The following ITM2C variants were observed in gnomAD, a reference collection of about 807,000 sequenced individuals.
ITM2C encodes the protein BRICHOS domain containing 2C.
In ITM2C, 20 loss-of-function variants were observed where a neutral mutation model predicts 30.0. The ratio of observed to expected loss-of-function variants is 0.67; its 90% CI spans 0.47 to 0.97. ITM2C has a LOEUF of 0.97. ITM2C is among the 50% of genes least tolerant of loss of function. ITM2C has a pLI of 0.00. For synonymous variants in ITM2C, 167 were observed against 156.4 expected, an observed-to-expected ratio of 1.07 and a Z score of -0.51; for missense variants, 366 against 371.9, an observed-to-expected ratio of 0.98 and a Z score of 0.13.
intron 3 of ITM2C, 21 bp downstream of exon 3, chr2:230,875,829 G>C (rs1279536467): frequency 7.0e-6 from 3 of 427,800 alleles, no homozygotes; most frequent in Admixed American, 3.1e-5. Context: ...CCAGGGCCTG[G>C]GGGTGGGGGG....
Position 230,865,251 on chromosome 2 carries a change from G to T in ITM2C, c.120+106G>T. On this transcript the variant is annotated intron_variant, in intron 1 of 5. Coordinates refer to ENST00000326427, the MANE Select transcript of ITM2C (RefSeq NM_030926.6). This position sits in a 1 kb window ranked among gnomAD's most constrained non-coding sequence, Gnocchi z 6.8. Reference sequence around the variant, plus strand: ...GCCCGAGGCGCGTCAGGGCCCCAGAGCCCGGGGTGGAGCAGGGTTGGGAAG... The same window carrying T: ...GCCCGAGGCGCGTCAGGGCCCCAGATCCCGGGGTGGAGCAGGGTTGGGAAG... The T allele has an allele frequency of 8.4e-7, 1 of 1,184,948 alleles. No homozygotes were observed. Among genetic ancestry groups the T allele is most frequent in the East Asian group, 3.2e-5 (1 of 31,382 alleles). The allele number at this position is 1,184,948 out of a possible 1,614,324, so 73.4% of individuals were successfully genotyped here.
At chr2:230,873,031 C>G (rs563546873) in intron 1 of ITM2C, among the ~76,000 whole-genome samples, 1 of 152,212 alleles carries the variant, frequency 6.6e-6, no homozygotes, top group Admixed American at 6.5e-5. Flanking sequence ...GTCACCGAGG[C>G]CAGGTCGGCA....
Position 230,878,077 on chromosome 2 carries a change from C to T in ITM2C, c.782C>T (p.Thr261Met), listed in dbSNP as rs763337530. The change falls in exon 6 of 6, where the codon ACG becomes ATG. Residue 261 changes from threonine to methionine, a missense_variant. Transcript: ENST00000326427. The surrounding 1 kb of genome is among the most constrained non-coding windows in gnomAD (Gnocchi z 4.5). ...RHFENTFVVE[T>M]LICGVV ...TTCGAGAACACCTTCGTGGTGGAGA[C>T]GCTCATCTGCGGGGTGGTGTGAGGC... 10 of 1,598,438 alleles carry T rather than the reference C, an allele frequency of 6.3e-6. No homozygotes were observed. Among genetic ancestry groups the T allele is most frequent in the African/African-American group, 2.7e-5 (2 of 74,460 alleles).
Position 230,865,071 on chromosome 2 carries a change from G to A in ITM2C, c.46G>A (p.Asp16Asn), listed in dbSNP as rs762506460. ...FQPAVAGIKG[D>N]KADKASASAP... Reference sequence around the variant, plus strand: ...GCCCGCCGTGGCTGGCATCAAGGGCGACAAGGCTGACAAGGCGTCGGCGTC... The same window carrying A: ...GCCCGCCGTGGCTGGCATCAAGGGCAACAAGGCTGACAAGGCGTCGGCGTC... The change falls in exon 1 of 6, where the codon GAC (aspartate) becomes AAC (asparagine). Residue 16 changes from aspartate to asparagine, a missense_variant. Asp to Asn is a conservative substitution (Grantham distance 23). Transcript: ENST00000326427. The surrounding 1 kb of genome is among the most constrained non-coding windows in gnomAD (Gnocchi z 6.8). 2.0e-6 allele frequency: 3 copies of A among 1,534,480 alleles called. No homozygotes were observed. Among genetic ancestry groups the A allele is most frequent in the Admixed American group, 1.9e-5 (1 of 52,724 alleles).
chr2:230,871,792 AG>A (rs1369130359), intron 1 of ITM2C, among the ~76,000 whole-genome samples: 1 of 152,154 alleles, frequency 6.6e-6, no homozygotes, highest in Non-Finnish European at 1.5e-5. Context: ...TCCGCAGTGA[AG>A]GGGGGGTCCT....
chr2:230,877,114 G>A lies in ITM2C; in HGVS notation c.561+147G>A. 1 of 663,848 alleles carries A rather than the reference G, an allele frequency of 1.5e-6. No individual in the cohort carries two copies. The highest frequency in any genetic ancestry group is 1.8e-5 in the South Asian group (1 of 55,484). 41.1% of individuals were successfully genotyped at this position (663,848 alleles called of 1,614,324 possible). On this transcript the variant is annotated intron_variant, in intron 4 of 5. Coordinates refer to ENST00000326427, the MANE Select transcript of ITM2C (RefSeq NM_030926.6). This position sits in a 1 kb window ranked among gnomAD's most constrained non-coding sequence, Gnocchi z 4.8. The stretch of plus-strand genomic sequence containing the variant: ...TGCTGGCACCTGGGCCCTGTACCCA[G>A]ATTGGTCTCGCCTCTGCTATCCCCC...
Position 230,878,124 on chromosome 2 carries a change from GC to G in ITM2C, c.*27del. On this transcript the variant is annotated 3_prime_UTR_variant, in exon 6 of 6. Transcript: ENST00000326427. This position sits in a 1 kb window ranked among gnomAD's most constrained non-coding sequence, Gnocchi z 4.5. ...AGGCCCTCCTCCCCCAGAACCCCCT[GC>G]CGTGTTCCTCTTTTCTTCTTTCCGG... 6.6e-7 allele frequency: 1 copy of G among 1,509,610 alleles called. No homozygotes were observed. The highest frequency in any genetic ancestry group is 9.0e-7 in the Non-Finnish European group (1 of 1,113,564). 93.5% of individuals were successfully genotyped at this position (1,509,610 alleles called of 1,614,324 possible). A position where few individuals can be genotyped will look rare whatever the true frequency, so the allele number is the denominator to read the frequency against.
At chr2:230,872,411 C>A (rs775637229) in intron 1 of ITM2C, among the ~76,000 whole-genome samples, 1 of 152,154 alleles carries the variant, frequency 6.6e-6, no homozygotes, top group Non-Finnish European at 1.5e-5. Context: ...GGCTGGCTCT[C>A]GTCAGTGCTC....
chr2:230,864,334 C>T (rs1696969732), upstream of ITM2C, among the ~76,000 whole-genome samples: 1 of 152,148 alleles, frequency 6.6e-6, no homozygotes, highest in African/African-American at 2.4e-5. This position sits in a 1 kb window ranked among gnomAD's most constrained non-coding sequence, Gnocchi z 4.3. Context: ...CCCAGGACCC[C>T]CCAGGAAGGT....
At chr2:230,870,701 C>A (rs1697143108) in intron 1 of ITM2C, among the ~76,000 whole-genome samples, 1 of 152,212 alleles carries the variant, frequency 6.6e-6, no homozygotes, top group South Asian at 2.1e-4. Context: ...CCAGCCCCTC[C>A]CCCAGGACAG....
chr2:230,877,430 A>G lies in ITM2C; in HGVS notation c.592A>G (p.Ile198Val), dbSNP rs758028514. 1 of 1,614,044 alleles carries G rather than the reference A, an allele frequency of 6.2e-7. No individual in the cohort carries two copies. Among genetic ancestry groups the G allele is most frequent in the Admixed American group, 1.7e-5 (1 of 60,028 alleles). Reference sequence around the variant, plus strand: ...GACCTACCTGCCGCAGACGTACATCATCCAGGAGGAGATGGTGGTCACGGA... The same window carrying G: ...GACCTACCTGCCGCAGACGTACATCGTCCAGGAGGAGATGGTGGTCACGGA... ...RGTYLPQTYIIQEEMVVTEHV... is the reference protein window; with the variant it reads ...RGTYLPQTYIVQEEMVVTEHV... The change falls in exon 5 of 6, where the codon ATC (isoleucine) becomes GTC (valine). Residue 198 changes from isoleucine (I) to valine (V), a missense_variant. By Grantham distance (29) the Ile-to-Val change is conservative. Transcript: ENST00000326427. This position sits in a 1 kb window ranked among gnomAD's most constrained non-coding sequence, Gnocchi z 4.8.
In ITM2C at chr2:230,878,728, G is replaced by A; in HGVS notation, c.*629G>A. The A allele has an allele frequency of 6.5e-6, 1 of 153,196 alleles. No homozygotes were observed. The allele number at this position is 153,196 out of a possible 1,614,324, so 9.5% of individuals were successfully genotyped here. A position where few individuals can be genotyped will look rare whatever the true frequency, so the allele number is the denominator to read the frequency against. On this transcript the variant is annotated 3_prime_UTR_variant, in exon 6 of 6. Transcript: ENST00000326427. This position sits in a 1 kb window ranked among gnomAD's most constrained non-coding sequence, Gnocchi z 4.5. ...TGGGGAGTGGGGATGAGTCCGTCAA[G>A]CACAACTGTTCTCTGAGTGGAACCA...
intron 1 of ITM2C, among the ~76,000 whole-genome samples, chr2:230,867,580 G>C (rs151312557): frequency 1.1e-3 from 172 of 152,268 alleles, no homozygotes; most frequent in African/African-American, 3.8e-3. Context: ...CGTTTCTTCT[G>C]GCTGGCAGTG....
chr2:230,864,863 GC>G (rs1696982754), upstream of ITM2C: 5 of 896,480 alleles, frequency 5.6e-6, no homozygotes, highest in Non-Finnish European at 7.2e-6. This position sits in a 1 kb window ranked among gnomAD's most constrained non-coding sequence, Gnocchi z 4.3. Flanking sequence ...GGGCGCCGGG[GC>G]CCTCCCGCGG....
rs981139651 is a variant in ITM2C at position 230,878,804 on chromosome 2, G to C, written c.*705G>C. 3.2e-5 allele frequency: 5 copies of C among 154,694 alleles called. No homozygotes were observed. Among genetic ancestry groups the C allele is most frequent in the African/African-American group, 1.2e-4 (5 of 41,500 alleles). 9.6% of individuals were successfully genotyped at this position (154,694 alleles called of 1,614,324 possible). ...GTCCTGCCCCCCAGGAGCACAAGCA[G>C]GGTCCCCTCAGTCAAGGCAGTGGGA... is the stretch of plus-strand genomic sequence containing the variant. On this transcript the variant is annotated 3_prime_UTR_variant, in exon 6 of 6. Coordinates refer to ENST00000326427, the MANE Select transcript of ITM2C (RefSeq NM_030926.6). The surrounding 1 kb of genome is among the most constrained non-coding windows in gnomAD (Gnocchi z 4.5).
At chr2:230,868,633 C>T (rs1158035507) in intron 1 of ITM2C, among the ~76,000 whole-genome samples, 6 of 152,232 alleles carry the variant, frequency 3.9e-5, no homozygotes, top group Non-Finnish European at 8.8e-5. Context: ...TCCTGTGTCA[C>T]CCCCTCCCCA....
chr2:230,877,374 A>G lies in ITM2C; in HGVS notation c.562-26A>G, dbSNP rs771601477. The G allele has an allele frequency of 1.2e-6, 2 of 1,610,724 alleles. No individual in the cohort carries two copies. The highest frequency in any genetic ancestry group is 1.7e-6 in the Non-Finnish European group (2 of 1,177,940). On this transcript the variant is annotated intron_variant, in intron 4 of 5. Coordinates refer to ENST00000326427, the MANE Select transcript of ITM2C (RefSeq NM_030926.6). The surrounding 1 kb of genome is among the most constrained non-coding windows in gnomAD (Gnocchi z 4.8). Reference sequence around the variant, plus strand: ...GGACGAAAGCCTGAGGGGCCGACTCACTGTGGCGGCCACCTTGTTTTGCAG... The same window carrying G: ...GGACGAAAGCCTGAGGGGCCGACTCGCTGTGGCGGCCACCTTGTTTTGCAG...
chr2:230,865,098 GC>G lies in ITM2C; in HGVS notation c.77del (p.Pro26LeufsTer11). On this transcript the variant is annotated frameshift_variant, in exon 1 of 6. Coordinates refer to ENST00000326427, the MANE Select transcript of ITM2C (RefSeq NM_030926.6). LOFTEE classifies it high-confidence loss of function. This position sits in a 1 kb window ranked among gnomAD's most constrained non-coding sequence, Gnocchi z 6.8. ...GDKADKASAS[A>X]PAPASATEIL... ...CAAGGCTGACAAGGCGTCGGCGTCG[GC>G]CCCTGCGCCGGCCTCGGCCACCGAG... The G allele has an allele frequency of 2.6e-6, 4 of 1,519,766 alleles. No homozygotes were observed. The highest frequency in any genetic ancestry group is 2.7e-6 in the Non-Finnish European group (3 of 1,129,480). The allele number at this position is 1,519,766 out of a possible 1,614,324, so 94.1% of individuals were successfully genotyped here.
chr2:230,864,365 A>G (rs1267526608), upstream of ITM2C, among the ~76,000 whole-genome samples: 2 of 152,170 alleles, frequency 1.3e-5, no homozygotes, highest in Non-Finnish European at 2.9e-5. The surrounding 1 kb of genome is among the most constrained non-coding windows in gnomAD (Gnocchi z 4.3). Flanking sequence ...TAAAGAATGA[A>G]GGCAGAAGCA....
Sources: allele counts gnomAD v4.1 joint callset (sites outside exome capture counted in the v4.1 genomes callset), GRCh38; gene constraint gnomAD v4.1.1; non-coding constraint Gnocchi (gnomAD v3.1); transcripts MANE v1.5; gene names NCBI Gene and HGNC (gene_info 2026-07-23, HGNC 2026-07-21).